COPA: variants seen among roughly 807,000 people sequenced by gnomAD.
COPA encodes coatomer subunit alpha.
COPA carries 10 observed loss-of-function variants against 158.7 expected under a neutral mutation model. The observed-to-expected ratio is 0.06, with a 90% CI of 0.04 to 0.11. COPA has a LOEUF of 0.11. Ranked by LOEUF, COPA falls within the 10% of genes least tolerant of loss-of-function variation. The probability of loss-of-function intolerance (pLI) is 1.00; values close to 1 mark genes in which losing one functional copy is unlikely to be tolerated. For missense variants in COPA, 1,065 were observed against 1,536.7 expected, an observed-to-expected ratio of 0.69 and a Z score of 5.13; for synonymous variants, 462 against 542.8, an observed-to-expected ratio of 0.85 and a Z score of 2.07.
At position 160,289,674 on chromosome 1, in the gene COPA, T is replaced by A. The variant is rs1658157390; in HGVS notation, c.*483A>T. The A allele has an allele frequency of 6.6e-6, 1 of 151,838 alleles. No individual in the cohort carries two copies. The highest frequency in any genetic ancestry group is 1.5e-5 in the Non-Finnish European group (1 of 68,230). 9.4% of individuals were successfully genotyped at this position (151,838 alleles called of 1,614,324 possible). On this transcript the variant is annotated 3_prime_UTR_variant, in exon 33 of 33. Transcript: ENST00000241704. ...GGTATGATCTCAGTTGAATGCAACC[T>A]CCACCTCCTAGGTTCAAGCGATTCT...
At chr1:160,294,684 C>T in intron 24 of COPA, 84 bp downstream of exon 24, 1 of 1,594,306 alleles carries the variant, frequency 6.3e-7, no homozygotes, top group Non-Finnish European at 8.6e-7. Flanking sequence ...GTTTCATGGC[C>T]TGGAAGTCTG....
chr1:160,312,196 C>T (rs1471604393), intron 10 of COPA, among the ~76,000 whole-genome samples, 178 bp from the exon 11 acceptor site: 1 of 152,176 alleles, frequency 6.6e-6, no homozygotes, highest in African/African-American at 2.4e-5. Context: ...TCTGTGAATC[C>T]TTTCCTAATA....
intron 11 of COPA, among the ~76,000 whole-genome samples, 174 bp downstream of exon 11, chr1:160,311,694 C>A (rs1225324398): frequency 1.3e-5 from 2 of 151,998 alleles, no homozygotes; most frequent in Non-Finnish European, 2.9e-5. Flanking sequence ...TTGCAGTGAG[C>A]CGAGATCGCG....
chr1:160,303,966 G>A (rs1393364006), intron 17 of COPA, among the ~76,000 whole-genome samples: 3 of 151,834 alleles, frequency 2.0e-5, no homozygotes, highest in Non-Finnish European at 4.4e-5. Flanking sequence ...TCCATCAGAT[G>A]GACAAAAATA....
At chr1:160,319,914 C>CAAAAAAA (rs80269064) in intron 8 of COPA, among the ~76,000 whole-genome samples, 4 of 75,572 alleles carry the variant, frequency 5.3e-5, no homozygotes, top group Non-Finnish European at 1.0e-4. Flanking sequence ...ACACCTATGT[C>CAAAAAAA]AAAAAAAAAA....
chr1:160,293,422 G>A lies in COPA; in HGVS notation c.2718C>T (p.Phe906=). The change falls in exon 26 of 33, where the codon TTC becomes TTT. Residue 906 remains phenylalanine, a synonymous_variant. Transcript: ENST00000241704. ...PGAAGGAEDG[F]FVPPTKGTSP... Reference sequence around the variant, plus strand: ...TTGTTCCCTTGGTTGGGGGCACAAAGAAACCATCTTCAGCCCCACCAGCTG... The same window carrying A: ...TTGTTCCCTTGGTTGGGGGCACAAAAAAACCATCTTCAGCCCCACCAGCTG... 1 of 1,611,990 alleles carries A rather than the reference G, an allele frequency of 6.2e-7. No homozygotes were observed. Among genetic ancestry groups the A allele is most frequent in the Non-Finnish European group, 8.5e-7 (1 of 1,179,390 alleles).
chr1:160,291,526 G>A (rs1347537945), intron 30 of COPA, 30 bp from the exon 31 acceptor site: 4 of 1,607,106 alleles, frequency 2.5e-6, no homozygotes, highest in Non-Finnish European at 3.4e-6. Flanking sequence ...ACACATGCCA[G>A]GTTGATGCTA....
chr1:160,323,336 G>T, intron 8 of COPA, 95 bp downstream of exon 8: 1 of 801,784 alleles, frequency 1.2e-6, no homozygotes, highest in Admixed American at 3.1e-5. Flanking sequence ...ATCACCTAAG[G>T]TAGAAAAATA....
chr1:160,309,561 T>C (rs928999544), intron 12 of COPA, among the ~76,000 whole-genome samples: 2 of 151,282 alleles, frequency 1.3e-5, no homozygotes, highest in East Asian at 1.9e-4. Flanking sequence ...GAAAAGACAC[T>C]ATAGGAATGC....
At chr1:160,342,833 A>C (rs111711203) in intron 1 of COPA, among the ~76,000 whole-genome samples, 39 of 152,288 alleles carry the variant, frequency 2.6e-4, no homozygotes, top group African/African-American at 8.9e-4. Context: ...GGAGCAGAAC[A>C]ACACAAATCG....
At chr1:160,326,888 A>G (rs1647246948) in intron 6 of COPA, among the ~76,000 whole-genome samples, 1 of 152,224 alleles carries the variant, frequency 6.6e-6, no homozygotes, top group South Asian at 2.1e-4. Context: ...CCAGAATAAT[A>G]ATAGTCTTAT....
intron 21 of COPA, among the ~76,000 whole-genome samples, chr1:160,297,115 C>A (rs1231304154): frequency 1.3e-5 from 2 of 152,114 alleles, no homozygotes; most frequent in African/African-American, 4.8e-5. Context: ...CTCCTATCTC[C>A]CCCATGAATA....
At chr1:160,336,511 C>T (rs1450351964) in intron 3 of COPA, among the ~76,000 whole-genome samples, 4 of 152,156 alleles carry the variant, frequency 2.6e-5, no homozygotes, top group Non-Finnish European at 1.5e-5. Flanking sequence ...CTACATTGCT[C>T]AGTAAGCCTG....
chr1:160,329,154 A>G (rs1395035569), intron 6 of COPA, among the ~76,000 whole-genome samples: 7 of 152,250 alleles, frequency 4.6e-5, no homozygotes, highest in Admixed American at 3.9e-4. Flanking sequence ...AAAGTATAAA[A>G]GTCTAACCCA....
At position 160,326,519 on chromosome 1, in the gene COPA, C is replaced by T. The variant is rs1647222316; in HGVS notation, c.497-867G>A. 2.6e-5 allele frequency among the ~76,000 whole-genome samples: 4 copies of T among 152,128 alleles called. No homozygotes were observed. In the South Asian group the frequency reaches 8.3e-4, roughly 32 times the overall value. On this transcript the variant is annotated intron_variant, in intron 6 of 32. Transcript: ENST00000241704. ...ACTCCAGCCTGGGTGACATTGAGACCCTATCTCAAAAAAGAAAAGCCATTT... is the reference window on the plus strand; with the variant it reads ...ACTCCAGCCTGGGTGACATTGAGACTCTATCTCAAAAAAGAAAAGCCATTT...
At chr1:160,298,437 T>G (rs1658487366) in intron 19 of COPA, among the ~76,000 whole-genome samples, 1 of 152,208 alleles carries the variant, frequency 6.6e-6, no homozygotes, top group South Asian at 2.1e-4. Flanking sequence ...AGTTCAGAAC[T>G]GGAAAACGTT....
At chr1:160,314,852 C>A (rs1319307860) in intron 8 of COPA, among the ~76,000 whole-genome samples, 3 of 152,058 alleles carry the variant, frequency 2.0e-5, no homozygotes, top group African/African-American at 7.2e-5. Context: ...TAAACAAAGT[C>A]TAGTACAAAG....
At chr1:160,334,347 T>C (rs1647665565) in intron 4 of COPA, among the ~76,000 whole-genome samples, 1 of 152,212 alleles carries the variant, frequency 6.6e-6, no homozygotes, top group Non-Finnish European at 1.5e-5. Flanking sequence ...TTTAGTGAGC[T>C]GGTAAAATGA....
chr1:160,304,425 G>C (rs1023996489), intron 17 of COPA, among the ~76,000 whole-genome samples: 6 of 151,892 alleles, frequency 4.0e-5, no homozygotes, highest in Admixed American at 1.3e-4. Flanking sequence ...CAGCACTTTG[G>C]GGGGCCAAGG....
Sources: allele counts gnomAD v4.1 joint callset (sites outside exome capture counted in the v4.1 genomes callset), GRCh38; gene constraint gnomAD v4.1.1; transcripts MANE v1.5; gene names NCBI Gene and HGNC (gene_info 2026-07-23, HGNC 2026-07-21).